The following ZFR variants were observed in gnomAD, a reference collection of about 807,000 sequenced individuals.
The protein encoded by ZFR is zinc finger RNA-binding protein.
Under a neutral mutation model 130.7 loss-of-function variants are expected in ZFR, and 19 were observed. The ratio of observed to expected loss-of-function variants is 0.15; its 90% CI spans 0.10 to 0.21. The LOEUF is 0.21. Ranked by LOEUF, ZFR falls within the 10% of genes least tolerant of loss-of-function variation. The probability of loss-of-function intolerance (pLI) is 1.00; values close to 1 mark genes in which losing one functional copy is unlikely to be tolerated. For missense variants in ZFR, 872 were observed against 1,321.5 expected, an observed-to-expected ratio of 0.66 and a Z score of 5.27; for synonymous variants, 466 against 456.9, an observed-to-expected ratio of 1.02 and a Z score of -0.25.
chr5:32,364,191 A>C lies in ZFR; in HGVS notation c.2920T>G (p.Cys974Gly). 6.2e-7 allele frequency: 1 copy of C among 1,612,292 alleles called. No individual in the cohort carries two copies. The highest frequency in any genetic ancestry group is 8.5e-7 in the Non-Finnish European group (1 of 1,178,518). The change falls in exon 18 of 20, where the codon TGC (cysteine) becomes GGC (glycine). Residue 974 changes from cysteine to glycine, a missense_variant. This residue lies in a region of ZFR where 158 missense variants were observed against 264.0 expected (regional missense o/e 0.60). Transcript: ENST00000265069. ...PGDALRRVFE[C>G]ISSGIILKGS... ...TTAAGAATAATCCCTGAAGAAATGC[A>C]TTCAAAAACTCTTCTCAGTGCATCC...
intron 19 of ZFR, among the ~76,000 whole-genome samples, chr5:32,358,531 G>T (rs1348117046): frequency 4.6e-5 from 7 of 152,002 alleles, no homozygotes; most frequent in African/African-American, 1.2e-4. Context: ...TTGGTGGCGG[G>T]TGCCTATAGT....
intron 5 of ZFR, 67 bp downstream of exon 5, chr5:32,414,902 C>A: frequency 7.2e-7 from 1 of 1,391,612 alleles, no homozygotes; most frequent in Non-Finnish European, 9.9e-7. Context: ...CAAAGACAAT[C>A]AAGATAGTTT....
intron 9 of ZFR, 120 bp from the exon 10 acceptor site, chr5:32,397,458 T>TG (rs1457212417): frequency 9.5e-7 from 1 of 1,057,210 alleles, no homozygotes; most frequent in African/African-American, 1.8e-5. Flanking sequence ...GTCTATTACA[T>TG]TTTTTTTTTC....
intron 8 of ZFR, among the ~76,000 whole-genome samples, chr5:32,402,547 C>G (rs1753476243): frequency 6.6e-6 from 1 of 151,106 alleles, no homozygotes; most frequent in Admixed American, 6.6e-5. Flanking sequence ...GGCAGCTCAC[C>G]TGAGCTCAGG....
chr5:32,379,294 G>A (rs904007076), intron 16 of ZFR, 84 bp from the exon 17 acceptor site: 8 of 1,159,436 alleles, frequency 6.9e-6, no homozygotes, highest in African/African-American at 3.0e-5. Context: ...AAATACCACC[G>A]TTCAATGGAA....
intron 2 of ZFR, among the ~76,000 whole-genome samples, chr5:32,432,188 T>C (rs930860225): frequency 2.6e-5 from 4 of 152,070 alleles, no homozygotes; most frequent in Non-Finnish European, 5.9e-5. Flanking sequence ...TCTCGCTATG[T>C]TGAGCTGGGG....
intron 7 of ZFR, among the ~76,000 whole-genome samples, 167 bp from the exon 8 acceptor site, chr5:32,403,564 T>C (rs1231211024): frequency 1.3e-5 from 2 of 152,234 alleles, no homozygotes; most frequent in Non-Finnish European, 2.9e-5. Context: ...ACTTTCAAGA[T>C]AATCTCTGTG....
intron 2 of ZFR, among the ~76,000 whole-genome samples, chr5:32,422,066 G>A (rs1753969804): frequency 6.6e-6 from 1 of 151,878 alleles, no homozygotes; most frequent in East Asian, 1.9e-4. Context: ...CCACCTAAGA[G>A]TAATTTTGGT....
chr5:32,406,369 T>C (rs1753579830), intron 6 of ZFR, among the ~76,000 whole-genome samples: 1 of 152,194 alleles, frequency 6.6e-6, no homozygotes, highest in Non-Finnish European at 1.5e-5. Flanking sequence ...TCCTGAAAAT[T>C]ATAGATTATC....
intron 10 of ZFR, among the ~76,000 whole-genome samples, chr5:32,396,904 A>G (rs1025838106): frequency 6.6e-6 from 1 of 152,254 alleles, no homozygotes; most frequent in African/African-American, 2.4e-5. Context: ...AAGAAGGTGG[A>G]TAAATAGTTG....
rs1753588240 is a variant in ZFR at position 32,406,803 on chromosome 5, C to T, written c.1003G>A (p.Val335Ile). ...GGTCCAGCACAGCTGATCTTACAAA[C>T]ATCACAATAGTGAATCTGTGGTGGT... is the stretch of plus-strand genomic sequence containing the variant. ...PKPPQIHYCD[V>I]CKISCAGPQT... The change falls in exon 6 of 20, where the codon GTT becomes ATT. Residue 335 changes from valine to isoleucine, a missense_variant. Val to Ile is a conservative substitution (Grantham distance 29). Transcript: ENST00000265069. The T allele has an allele frequency of 6.2e-7, 1 of 1,613,472 alleles. No homozygotes were observed. Among genetic ancestry groups the T allele is most frequent in the Non-Finnish European group, 8.5e-7 (1 of 1,179,864 alleles).
intron 1 of ZFR, 146 bp from the exon 2 acceptor site, chr5:32,444,474 C>A: frequency 3.1e-6 from 4 of 1,291,292 alleles, no homozygotes; most frequent in Non-Finnish European, 4.1e-6. Flanking sequence ...CCGCCTCCCC[C>A]TCCCGCCTCG....
chr5:32,380,404 C>A, intron 15 of ZFR: 1 of 363,060 alleles, frequency 2.8e-6, no homozygotes, highest in Non-Finnish European at 5.1e-6. Flanking sequence ...ATAAACCCTA[C>A]CCACCAAAAC....
In ZFR at chr5:32,366,113, G is replaced by A. The variant is rs191081879; in HGVS notation, c.2836-1838C>T. 3.5e-3 allele frequency among the ~76,000 whole-genome samples: 535 copies of A among 152,226 alleles called. 4 individuals are homozygous for A. Among genetic ancestry groups the A allele is most frequent in the Non-Finnish European group, 6.4e-3 (432 of 68,026 alleles). On this transcript the variant is annotated intron_variant, in intron 17 of 19. Transcript: ENST00000265069. ...GCCTAGTACAAGTAGCCAGAATTTT[G>A]TAAATACTTAGTAAATGATGACATG...
intron 17 of ZFR, among the ~76,000 whole-genome samples, chr5:32,375,526 A>C (rs2111695020): frequency 6.6e-6 from 1 of 152,340 alleles, no homozygotes; most frequent in Admixed American, 6.5e-5. Flanking sequence ...AAGAAAAAAA[A>C]AGAGATAAGG....
Position 32,363,996 on chromosome 5 carries a change from C to T in ZFR, c.2997G>A (p.Leu999=), listed in dbSNP as rs763490085. 6.2e-7 allele frequency: 1 copy of T among 1,614,038 alleles called. No homozygotes were observed. Among genetic ancestry groups the T allele is most frequent in the South Asian group, 1.1e-5 (1 of 91,062 alleles). ...CACGCTGCTGGTCAGTCATTGTTGCCAAGGTATCAAAGGGATCCTTTTCAC... is the reference window on the plus strand; with the variant it reads ...CACGCTGCTGGTCAGTCATTGTTGCTAAGGTATCAAAGGGATCCTTTTCAC... ...DPCEKDPFDT[L]ATMTDQQRED... is the part of the protein sequence containing the mutation. The change falls in exon 19 of 20, where the codon TTG becomes TTA. Residue 999 remains leucine (L), a synonymous_variant. Coordinates refer to ENST00000265069, the MANE Select transcript of ZFR (RefSeq NM_016107.5).
At chr5:32,359,893 G>A (rs1012580194) in intron 19 of ZFR, among the ~76,000 whole-genome samples, 6 of 151,370 alleles carry the variant, frequency 4.0e-5, no homozygotes, top group African/African-American at 1.5e-4. Context: ...GAGGTGAGCT[G>A]AGATTGCGCC....
intron 5 of ZFR, among the ~76,000 whole-genome samples, chr5:32,409,288 T>C (rs781385363): frequency 2.0e-5 from 3 of 152,210 alleles, no homozygotes; most frequent in Non-Finnish European, 4.4e-5. Context: ...TCCACAGCTT[T>C]CAAATTTAAA....
At chr5:32,372,366 G>A (rs758399037) in intron 17 of ZFR, among the ~76,000 whole-genome samples, 37 of 152,152 alleles carry the variant, frequency 2.4e-4, no homozygotes, top group Non-Finnish European at 5.1e-4. Flanking sequence ...CTACTCTAGT[G>A]TCGGGGAGGC....
Sources: allele counts gnomAD v4.1 joint callset (sites outside exome capture counted in the v4.1 genomes callset), GRCh38; gene constraint gnomAD v4.1.1; regional missense constraint gnomAD v4.1.1; transcripts MANE v1.5; gene names NCBI Gene and HGNC (gene_info 2026-07-23, HGNC 2026-07-21).